The following SP140L variants were observed in gnomAD, a reference collection of about 807,000 sequenced individuals.
SP140L encodes the protein SP140 like nuclear body protein, also known as nuclear body protein SP140-like protein.
SP140L carries 64 observed loss-of-function variants against 84.3 expected under a neutral mutation model. That is an observed-to-expected ratio of 0.76 (90% confidence interval 0.62 to 0.94). The LOEUF (loss-of-function observed/expected upper bound fraction) is 0.94. Ranked by LOEUF, SP140L falls within the 40% of genes least tolerant of loss-of-function variation. SP140L has a pLI of 0.00. For missense variants in SP140L, 628 were observed against 692.5 expected, an observed-to-expected ratio of 0.91 and a Z score of 1.05; for synonymous variants, 242 against 236.9, an observed-to-expected ratio of 1.02 and a Z score of -0.20.
chr2:230,354,873 GAA>G (rs1397868532), intron 2 of SP140L, among the ~76,000 whole-genome samples: 3 of 116,312 alleles, frequency 2.6e-5, no homozygotes, highest in Admixed American at 1.0e-4. Flanking sequence ...AAGAAAGAAA[GAA>G]AGAAAGAAAG....
intron 2 of SP140L, among the ~76,000 whole-genome samples, chr2:230,335,732 C>T (rs1012724898): frequency 5.3e-5 from 8 of 152,058 alleles, no homozygotes; most frequent in Non-Finnish European, 1.5e-5. Context: ...AGGATCAACA[C>T]TAGGATGATT....
chr2:230,358,962 A>G lies in SP140L; in HGVS notation c.271-2A>G. ...TATTTTCTCCATTCAATATTTTTAA[A>G]GGATTCTGAAGATTCTTGTAGAAAC... On this transcript the variant is annotated splice_acceptor_variant, in intron 3 of 18. Coordinates refer to ENST00000415673, the MANE Select transcript of SP140L (RefSeq NM_138402.6). LOFTEE classifies it high-confidence loss of function. The G allele has an allele frequency of 6.4e-7, 1 of 1,564,894 alleles. No individual in the cohort carries two copies. The highest frequency in any genetic ancestry group is 2.3e-5 in the East Asian group (1 of 44,048).
rs941691649 is a variant in SP140L, at chr2:230,403,655, C to G, written c.*759C>G. The G allele has an allele frequency of 1.3e-5, 2 of 152,250 alleles. No individual in the cohort carries two copies. The highest frequency in any genetic ancestry group is 4.8e-5 in the African/African-American group (2 of 41,462). The allele number at this position is 152,250 out of a possible 1,614,324, so 9.4% of individuals were successfully genotyped here. ...ACGATGGTGTATGAGTGTCAATCAT[C>G]TGACCCTTCTTGGAGTCTCATATTT... On this transcript the variant is annotated 3_prime_UTR_variant, in exon 19 of 19. Transcript: ENST00000415673.
chr2:230,400,862 T>C, intron 15 of SP140L, 93 bp from the exon 16 acceptor site: 2 of 1,539,480 alleles, frequency 1.3e-6, no homozygotes, highest in Non-Finnish European at 1.8e-6. Context: ...ACTGAGCCCA[T>C]CAGCCATTCC....
intron 2 of SP140L, among the ~76,000 whole-genome samples, chr2:230,354,942 AAGAAAGAAAG>A (rs1409389932): frequency 2.7e-4 from 41 of 149,688 alleles, no homozygotes; most frequent in East Asian, 2.5e-3. Flanking sequence ...GAAAAAGAAA[AAGAAAGAAAG>A]AGAAAGAAAG....
chr2:230,384,545 TTA>T (rs1168745918), intron 8 of SP140L, among the ~76,000 whole-genome samples: 1 of 152,236 alleles, frequency 6.6e-6, no homozygotes, highest in Non-Finnish European at 1.5e-5. Context: ...TCTTGCCAGT[TTA>T]AGTGTCTGCC....
intron 2 of SP140L, among the ~76,000 whole-genome samples, chr2:230,340,679 C>T (rs2060013295): frequency 1.5e-5 from 2 of 135,650 alleles, no homozygotes; most frequent in Non-Finnish European, 3.2e-5. Flanking sequence ...TCTTGTAAGG[C>T]AGGCCTGGTG....
In SP140L at chr2:230,357,972, G is replaced by A; in HGVS notation, c.270+5G>A. 9 of 1,612,464 alleles carry A rather than the reference G, an allele frequency of 5.6e-6. No individual in the cohort carries two copies. The highest frequency in any genetic ancestry group is 7.6e-6 in the Non-Finnish European group (9 of 1,179,368). ...ATCACAAATAAAATGTTTGAAGTAA[G>A]TAAAGTTTATTTCACAACCTGGCAG... On this transcript the variant is annotated splice_donor_5th_base_variant and intron_variant, in intron 3 of 18. Transcript: ENST00000415673.
chr2:230,362,416 A>G (rs1054415204), intron 5 of SP140L, among the ~76,000 whole-genome samples: 2 of 152,108 alleles, frequency 1.3e-5, no homozygotes, highest in African/African-American at 4.8e-5. Context: ...GGACCCATTT[A>G]AATGTGGGGA....
chr2:230,362,907 A>G (rs998041226), intron 5 of SP140L, among the ~76,000 whole-genome samples: 3 of 152,206 alleles, frequency 2.0e-5, no homozygotes, highest in Middle Eastern at 3.4e-3. Context: ...AAAGAATAAC[A>G]TGACTGGAGG....
intron 13 of SP140L, among the ~76,000 whole-genome samples, chr2:230,396,452 A>C (rs1015046367): frequency 7.2e-5 from 11 of 152,266 alleles, no homozygotes; most frequent in African/African-American, 2.7e-4. Context: ...AGGCCAACAC[A>C]GGAGTAAGAC....
chr2:230,334,792 A>G (rs2059821919), intron 2 of SP140L, among the ~76,000 whole-genome samples: 1 of 152,110 alleles, frequency 6.6e-6, no homozygotes, highest in African/African-American at 2.4e-5. Flanking sequence ...ATTGTCCATT[A>G]AATGATTTGA....
chr2:230,347,923 G>A (rs916566668), intron 2 of SP140L, among the ~76,000 whole-genome samples: 1 of 152,234 alleles, frequency 6.6e-6, no homozygotes, highest in Non-Finnish European at 1.5e-5. Context: ...CCAGCATGGT[G>A]ATCCATGCAC....
intron 5 of SP140L, 59 bp from the exon 6 acceptor site, chr2:230,370,848 CG>C: frequency 7.8e-6 from 12 of 1,548,232 alleles, no homozygotes; most frequent in Non-Finnish European, 1.1e-5. Flanking sequence ...AATTTTGCCC[CG>C]GGAGCAGAGC....
chr2:230,352,998 G>A (rs2060411804), intron 2 of SP140L, among the ~76,000 whole-genome samples: 1 of 151,926 alleles, frequency 6.6e-6, no homozygotes, highest in Non-Finnish European at 1.5e-5. Context: ...ATTTCATATA[G>A]AGTTTTTATT....
Position 230,361,697 on chromosome 2 carries a change from G to A in SP140L, c.523G>A (p.Gly175Arg). 1 of 1,555,786 alleles carries A rather than the reference G, an allele frequency of 6.4e-7. No individual in the cohort carries two copies. Among genetic ancestry groups the A allele is most frequent in the Non-Finnish European group, 8.7e-7 (1 of 1,148,444 alleles). Residue 175 changes from glycine to arginine, a missense_variant and splice_region_variant, in exon 5 of 19, where the codon GGA becomes AGA. Coordinates refer to ENST00000415673, the MANE Select transcript of SP140L (RefSeq NM_138402.6). ...TGACATCAAACTAAGTCTTAAACAA[G>A]GTAAAAATGACAGAATAAAAACGGT... ...RPDIKLSLKQ[G>R]EVPESPEARK...
At chr2:230,353,637 T>G (rs960917684) in intron 2 of SP140L, among the ~76,000 whole-genome samples, 1 of 152,112 alleles carries the variant, frequency 6.6e-6, no homozygotes, top group African/African-American at 2.4e-5. Context: ...TTTAGTTGGA[T>G]TCTATCTTTG....
At chr2:230,327,412 C>T (rs2059609923) in intron 1 of SP140L, 111 bp downstream of exon 1, 1 of 1,236,630 alleles carries the variant, frequency 8.1e-7, no homozygotes, top group Admixed American at 2.2e-5. Context: ...TTTGCAAGAA[C>T]ATAGGTAGGT....
Position 230,330,352 on chromosome 2 carries a change from C to A in SP140L, c.107+1521C>A, listed in dbSNP as rs1019245136. On this transcript the variant is annotated intron_variant, in intron 2 of 18. Transcript: ENST00000415673. ...TGTTTCTGTGTTCTCTCTTCTCTGC[C>A]CCTGGCCTGTAAGAGCCTCTTCTTA... Among the ~76,000 whole-genome samples, 5 of 152,188 alleles carry A rather than the reference C, an allele frequency of 3.3e-5. 1 individual carries two copies. The highest frequency in any genetic ancestry group is 1.2e-4 in the African/African-American group (5 of 41,446).
Sources: gnomAD v4.1 joint callset for allele counts (sites outside exome capture counted in the v4.1 genomes callset) on GRCh38, gnomAD v4.1.1 for gene constraint, MANE v1.5 for transcripts, NCBI Gene and HGNC (gene_info 2026-07-23, HGNC 2026-07-21) for gene names.